The following MCCC1 variants were observed in gnomAD, a reference collection of about 807,000 sequenced individuals.
MCCC1 encodes methylcrotonyl-CoA carboxylase subunit 1.
Under a neutral mutation model 83.8 loss-of-function variants are expected in MCCC1, and 64 were observed. The observed-to-expected ratio is 0.76, with a 90% CI of 0.62 to 0.94. MCCC1 has a LOEUF of 0.94. MCCC1 is among the 40% of genes least tolerant of loss of function. The probability of loss-of-function intolerance (pLI) is 0.00; values close to 1 mark genes in which losing one functional copy is unlikely to be tolerated. For synonymous variants in MCCC1, 322 were observed against 315.4 expected (o/e 1.02, Z -0.22); for missense variants, 807 against 904.7 (o/e 0.89, Z 1.39).
At chr3:183,024,628 A>AC (rs397811658) in intron 15 of MCCC1, among the ~76,000 whole-genome samples, 2 of 151,690 alleles carry the variant, frequency 1.3e-5, no homozygotes, top group East Asian at 1.9e-4. Flanking sequence ...CAAAAAAAAA[A>AC]CAAAACCCCA....
chr3:183,034,612 A>G (rs1295435026), intron 13 of MCCC1, among the ~76,000 whole-genome samples: 2 of 152,134 alleles, frequency 1.3e-5, no homozygotes, highest in African/African-American at 2.4e-5. Flanking sequence ...GAATATTTGC[A>G]ATCTAAACTC....
chr3:183,095,278 G>A (rs1408885506), intron 1 of MCCC1, among the ~76,000 whole-genome samples: 3 of 150,006 alleles, frequency 2.0e-5, no homozygotes, highest in South Asian at 2.1e-4. Flanking sequence ...GCGAGACTCC[G>A]TCTCAAAAAA....
intron 13 of MCCC1, among the ~76,000 whole-genome samples, chr3:183,036,602 C>T (rs535998049): frequency 1.8e-4 from 27 of 146,970 alleles, no homozygotes; most frequent in African/African-American, 5.8e-4. Flanking sequence ...TGCAGTGGCG[C>T]GATCTCGGTT....
intron 8 of MCCC1, among the ~76,000 whole-genome samples, chr3:183,055,557 C>T (rs146123456): frequency 7.0e-4 from 107 of 152,154 alleles, no homozygotes; most frequent in African/African-American, 2.5e-3. Context: ...TATCTTTGTC[C>T]CTTGTATCTA....
At chr3:183,063,274 G>T (rs887113693) in intron 7 of MCCC1, among the ~76,000 whole-genome samples, 5 of 152,166 alleles carry the variant, frequency 3.3e-5, no homozygotes, top group Admixed American at 2.0e-4. Context: ...GAGCCACTGC[G>T]CCTGGCCCTA....
intron 7 of MCCC1, among the ~76,000 whole-genome samples, chr3:183,069,969 T>A (rs1323345701): frequency 6.6e-6 from 1 of 152,190 alleles, no homozygotes; most frequent in African/African-American, 2.4e-5. Flanking sequence ...CTTTACTACT[T>A]AACAGCTGAG....
At chr3:183,092,671 C>A in intron 2 of MCCC1, 126 bp from the exon 3 acceptor site, 2 of 1,182,448 alleles carry the variant, frequency 1.7e-6, no homozygotes, top group Non-Finnish European at 2.4e-6. Context: ...GTAAAACTAG[C>A]ATAACTGAGC....
At chr3:183,032,867 C>T (rs1231705564) in intron 14 of MCCC1, among the ~76,000 whole-genome samples, 2 of 136,804 alleles carry the variant, frequency 1.5e-5, no homozygotes, top group Non-Finnish European at 3.1e-5. Context: ...GAGCCAGAGT[C>T]TGTGTCAAAA....
At chr3:183,106,352 T>C (rs1443624656) in intron 1 of MCCC1, among the ~76,000 whole-genome samples, 1 of 152,194 alleles carries the variant, frequency 6.6e-6, no homozygotes, top group Non-Finnish European at 1.5e-5. Flanking sequence ...CTCTCTCTGT[T>C]CCTTATTTAG....
chr3:183,098,523 C>CCTCA (rs1718907239), intron 1 of MCCC1: 1 of 152,236 alleles, frequency 6.6e-6, no homozygotes, highest in Non-Finnish European at 1.5e-5. Context: ...CTAACTAAGA[C>CCTCA]CTCAGCCTTG....
chr3:183,015,342 AC>A lies in MCCC1; in HGVS notation c.*95del. 1.5e-6 allele frequency: 2 copies of A among 1,326,062 alleles called. No individual in the cohort carries two copies. Among genetic ancestry groups the A allele is most frequent in the South Asian group, 1.2e-5 (1 of 84,720 alleles). 82.1% of individuals were successfully genotyped at this position (1,326,062 alleles called of 1,614,324 possible). ...CATAAGCATACAATCATTTAGTAAAACTGCTCTTTATGAGACCCCCAGAAAA... is the reference window on the plus strand; with the variant it reads ...CATAAGCATACAATCATTTAGTAAAATGCTCTTTATGAGACCCCCAGAAAA... On this transcript the variant is annotated 3_prime_UTR_variant, in exon 19 of 19. Transcript: ENST00000265594.
chr3:183,085,306 A>AAAAAAC (rs1717812292), intron 4 of MCCC1, among the ~76,000 whole-genome samples: 1 of 151,892 alleles, frequency 6.6e-6, no homozygotes. Flanking sequence ...AGATGGCTTT[A>AAAAAAC]CTCCCCAGCT....
At chr3:183,101,618 T>A, upstream of MCCC1, among the ~76,000 whole-genome samples, 1 of 152,196 alleles carries the variant, frequency 6.6e-6, no homozygotes, top group Admixed American at 6.5e-5. Flanking sequence ...AACAGGCCAC[T>A]GGGCTCTACC....
At chr3:183,099,693 T>A, upstream of MCCC1, 2 of 588,382 alleles carry the variant, frequency 3.4e-6, no homozygotes, top group Non-Finnish European at 6.1e-6. Flanking sequence ...TGTTTCTGCG[T>A]CCCCTGGGGC....
chr3:183,108,467 A>AT (rs201921077), intron 1 of MCCC1, among the ~76,000 whole-genome samples: 13 of 151,514 alleles, frequency 8.6e-5, no homozygotes, highest in East Asian at 1.9e-4. Context: ...CACTGTAAAT[A>AT]TTTTTTTTTG....
intron 1 of MCCC1, 117 bp from the exon 2 acceptor site, chr3:183,094,722 G>C (rs1718615232): frequency 1.0e-6 from 1 of 1,003,682 alleles, no homozygotes; most frequent in Non-Finnish European, 1.6e-6. Context: ...CAGTGCTTTA[G>C]TAAGACTTTC....
chr3:183,078,210 G>C (rs1157125500), intron 4 of MCCC1, among the ~76,000 whole-genome samples: 1 of 152,114 alleles, frequency 6.6e-6, no homozygotes, highest in African/African-American at 2.4e-5. Flanking sequence ...AGTAGAGACA[G>C]GGTTTCACCA....
chr3:183,106,789 G>A (rs1162169734), intron 1 of MCCC1, among the ~76,000 whole-genome samples: 6 of 151,822 alleles, frequency 4.0e-5, no homozygotes, highest in East Asian at 1.9e-4. Flanking sequence ...GAGTCACCAC[G>A]CCCAGCCCAA....
chr3:183,114,984 G>A (rs189425982), intron 1 of MCCC1, among the ~76,000 whole-genome samples: 13 of 152,134 alleles, frequency 8.5e-5, no homozygotes, highest in Admixed American at 5.9e-4. Context: ...CTCCCGGCTC[G>A]TGGTGCTAAA....
Sources: allele counts gnomAD v4.1 joint callset (sites outside exome capture counted in the v4.1 genomes callset), GRCh38; gene constraint gnomAD v4.1.1; transcripts MANE v1.5; gene names NCBI Gene and HGNC (gene_info 2026-07-23, HGNC 2026-07-21).